The following FOXN3 variants were observed in gnomAD, a reference collection of about 807,000 sequenced individuals.
FOXN3 encodes the protein forkhead box protein N3.
Under a neutral mutation model 38.4 loss-of-function variants are expected in FOXN3, and 7 were observed. The ratio of observed to expected loss-of-function variants is 0.18; its 90% confidence interval spans 0.10 to 0.34. The LOEUF (loss-of-function observed/expected upper bound fraction) is 0.34. Among genes scored for constraint, FOXN3 ranks in the 10% least tolerant of loss-of-function variants. The pLI is 1.00. For synonymous variants in FOXN3, 230 were observed against 242.2 expected, an observed-to-expected ratio of 0.95 and a Z score of 0.47; for missense variants, 456 against 613.4, an observed-to-expected ratio of 0.74 and a Z score of 2.71.
chr14:89,376,453 G>A (rs1323117419), intron 2 of FOXN3, among the ~76,000 whole-genome samples: 1 of 152,122 alleles, frequency 6.6e-6, no homozygotes, highest in Non-Finnish European at 1.5e-5. Context: ...TTCCTTTTCA[G>A]GAATATCAAC....
intron 1 of FOXN3, among the ~76,000 whole-genome samples, chr14:89,567,617 T>A (rs1282352347): frequency 6.7e-6 from 1 of 148,682 alleles, no homozygotes; most frequent in African/African-American, 2.6e-5. Context: ...CAAGGGAAGA[T>A]TATTTATTGG....
At chr14:89,575,281 G>A (rs1321900281) in intron 1 of FOXN3, among the ~76,000 whole-genome samples, 2 of 152,146 alleles carry the variant, frequency 1.3e-5, no homozygotes, top group Non-Finnish European at 2.9e-5. Flanking sequence ...CTTGCTATCT[G>A]GGTAGGCTCA....
At chr14:89,494,700 G>A (rs1337086142) in intron 1 of FOXN3, among the ~76,000 whole-genome samples, 1 of 152,208 alleles carries the variant, frequency 6.6e-6, no homozygotes, top group Non-Finnish European at 1.5e-5. Flanking sequence ...GTGGATCCAA[G>A]CTAAGAGTTG....
intron 2 of FOXN3, among the ~76,000 whole-genome samples, chr14:89,411,050 G>C (rs372611942): frequency 6.6e-6 from 1 of 152,166 alleles, no homozygotes; most frequent in Non-Finnish European, 1.5e-5. Context: ...CACAGCAGGA[G>C]GTCAGCATTG....
At chr14:89,518,508 A>G (rs543150415) in intron 1 of FOXN3, among the ~76,000 whole-genome samples, 32 of 152,338 alleles carry the variant, frequency 2.1e-4, no homozygotes, top group African/African-American at 7.5e-4. Context: ...CAAGTTAGAC[A>G]GCCAAGTATC....
At chr14:89,369,656 A>T (rs1033601568) in intron 2 of FOXN3, among the ~76,000 whole-genome samples, 2 of 152,158 alleles carry the variant, frequency 1.3e-5, no homozygotes, top group East Asian at 1.9e-4. Context: ...GGCAGAGAAC[A>T]AGAGAGAATG....
chr14:89,287,098 G>C (rs113887670), intron 3 of FOXN3, among the ~76,000 whole-genome samples: 1,922 of 152,196 alleles, frequency 0.013, 40 homozygotes, highest in African/African-American at 0.044. Flanking sequence ...AAAATGAGAT[G>C]ATGGGGGAAA....
chr14:89,396,933 A>C (rs1329975634), intron 2 of FOXN3, among the ~76,000 whole-genome samples: 1 of 151,738 alleles, frequency 6.6e-6, no homozygotes, highest in East Asian at 1.9e-4. Flanking sequence ...AGTCAGTTAA[A>C]GCTATGGAAA....
At chr14:89,224,216 T>C (rs1884558748) in intron 4 of FOXN3, among the ~76,000 whole-genome samples, 1 of 152,246 alleles carries the variant, frequency 6.6e-6, no homozygotes, top group Non-Finnish European at 1.5e-5. Flanking sequence ...AGTCAGGCAA[T>C]TGAGTACTTA....
intron 1 of FOXN3, among the ~76,000 whole-genome samples, chr14:89,562,127 G>A (rs1293763808): frequency 6.6e-6 from 1 of 152,112 alleles, no homozygotes; most frequent in Non-Finnish European, 1.5e-5. Flanking sequence ...ATATCAAACA[G>A]TACACAGTTG....
intron 4 of FOXN3, among the ~76,000 whole-genome samples, chr14:89,195,793 C>A (rs1888084056): frequency 6.6e-6 from 1 of 152,182 alleles, no homozygotes. Context: ...AGAGAACAAG[C>A]AAGTGCCACC....
intron 2 of FOXN3, among the ~76,000 whole-genome samples, chr14:89,354,053 A>G (rs1438266902): frequency 6.6e-6 from 1 of 152,168 alleles, no homozygotes; most frequent in East Asian, 1.9e-4. Context: ...TGCAAAGGAT[A>G]GAATGCTCAA....
chr14:89,292,737 C>T (rs577191165), intron 3 of FOXN3, among the ~76,000 whole-genome samples: 1 of 152,092 alleles, frequency 6.6e-6, no homozygotes, highest in Non-Finnish European at 1.5e-5. Context: ...TCCAGCATAG[C>T]GAGAGATCTA....
At chr14:89,317,691 G>A (rs182794420) in intron 3 of FOXN3, among the ~76,000 whole-genome samples, 1 of 151,990 alleles carries the variant, frequency 6.6e-6, no homozygotes, top group Admixed American at 6.5e-5. Context: ...TGCAACAATT[G>A]AACCTACCTC....
intron 1 of FOXN3, among the ~76,000 whole-genome samples, chr14:89,529,589 A>G (rs2139833722): frequency 6.6e-6 from 1 of 152,334 alleles, no homozygotes; most frequent in Non-Finnish European, 1.5e-5. Context: ...AAGAATTTCA[A>G]ATGTTTATCA....
At chr14:89,181,050 C>A (rs1887662404) in intron 4 of FOXN3, among the ~76,000 whole-genome samples, 1 of 149,810 alleles carries the variant, frequency 6.7e-6, no homozygotes, top group Non-Finnish European at 1.5e-5. Context: ...GTACGTACAC[C>A]TGCACATACA....
chr14:89,418,716 G>A (rs1418073286), upstream of FOXN3, among the ~76,000 whole-genome samples: 1 of 151,966 alleles, frequency 6.6e-6, no homozygotes, highest in African/African-American at 2.4e-5. Flanking sequence ...GATTCTCAGG[G>A]TTAGAAGTGG....
At chr14:89,520,350 A>T (rs1894294932) in intron 1 of FOXN3, among the ~76,000 whole-genome samples, 1 of 152,166 alleles carries the variant, frequency 6.6e-6, no homozygotes, top group Admixed American at 6.5e-5. Context: ...CGGGTTTTTT[A>T]AAAAAGATTT....
intron 4 of FOXN3, among the ~76,000 whole-genome samples, chr14:89,270,349 T>C (rs894716377): frequency 3.3e-5 from 5 of 152,234 alleles, no homozygotes; most frequent in Non-Finnish European, 7.3e-5. Flanking sequence ...GGGTGGAAGG[T>C]ACTGAACATC....
Sources: gnomAD v4.1 joint callset for allele counts (sites outside exome capture counted in the v4.1 genomes callset) on GRCh38, gnomAD v4.1.1 for gene constraint, MANE v1.5 for transcripts, NCBI Gene and HGNC (gene_info 2026-07-23, HGNC 2026-07-21) for gene names.